The following SUPT16H variants were observed in gnomAD, a reference collection of about 807,000 sequenced individuals.
The protein encoded by SUPT16H is SPT16 homolog, facilitates chromatin remodeling subunit, also known as FACT complex subunit SPT16.
In SUPT16H, 24 loss-of-function variants were observed where a neutral mutation model predicts 136.2. The observed-to-expected ratio is 0.18, with a 90% CI of 0.13 to 0.25. The LOEUF (loss-of-function observed/expected upper bound fraction) is 0.25. SUPT16H is among the 10% of genes least tolerant of loss of function. The pLI, the probability that SUPT16H is intolerant of heterozygous loss-of-function variation, is 1.00. For synonymous variants in SUPT16H, 415 were observed against 428.2 expected (o/e 0.97, Z 0.38); for missense variants, 623 against 1,270.2 (o/e 0.49, Z 7.74).
intron 2 of SUPT16H, chr14:21,372,392 C>T (rs1886805940): frequency 3.2e-6 from 1 of 315,446 alleles, no homozygotes; most frequent in Non-Finnish European, 6.1e-6. Flanking sequence ...TGATACAGAA[C>T]CCTGCGTTAT....
chr14:21,360,717 T>C, intron 17 of SUPT16H, 129 bp downstream of exon 17: 1 of 1,382,142 alleles, frequency 7.2e-7, no homozygotes, highest in Admixed American at 2.2e-5. Flanking sequence ...TCATACTTTA[T>C]TAGCACCATG....
chr14:21,379,418 ACAGT>A (rs753807741), intron 1 of SUPT16H, among the ~76,000 whole-genome samples: 35 of 148,548 alleles, frequency 2.4e-4, no homozygotes, highest in Admixed American at 1.3e-3. Flanking sequence ...CCTGGGTGGC[ACAGT>A]CAGACTGTCT....
intron 10 of SUPT16H, 64 bp from the exon 11 acceptor site, chr14:21,363,567 T>C: frequency 7.0e-7 from 1 of 1,429,376 alleles, no homozygotes; most frequent in Non-Finnish European, 9.8e-7. Flanking sequence ...TCTAACCTAG[T>C]AAACGGCTGG....
At chr14:21,355,585 C>T (rs1886416550) in intron 22 of SUPT16H, among the ~76,000 whole-genome samples, 1 of 149,974 alleles carries the variant, frequency 6.7e-6, no homozygotes, top group Non-Finnish European at 1.5e-5. Flanking sequence ...CTTCTTCAAC[C>T]TTTCACTGCT....
intron 22 of SUPT16H, among the ~76,000 whole-genome samples, chr14:21,356,064 A>C (rs1484279996): frequency 1.3e-5 from 2 of 152,224 alleles, no homozygotes; most frequent in South Asian, 4.1e-4. Flanking sequence ...CCTGCTATGC[A>C]GGGAGGGAGA....
intron 21 of SUPT16H, among the ~76,000 whole-genome samples, chr14:21,357,625 G>A (rs1431418076): frequency 6.6e-6 from 1 of 151,694 alleles, no homozygotes; most frequent in Non-Finnish European, 1.5e-5. Flanking sequence ...TATTTAAAAA[G>A]ACATTATCTT....
intron 1 of SUPT16H, among the ~76,000 whole-genome samples, chr14:21,381,473 C>T (rs1168570437): frequency 2.6e-5 from 4 of 152,040 alleles, no homozygotes; most frequent in Non-Finnish European, 5.9e-5. Context: ...TCAACCACTA[C>T]AGCTTTTAAG....
At position 21,372,049 on chromosome 14, in the gene SUPT16H, G is replaced by A; in HGVS notation, c.160-5C>T. On this transcript the variant is annotated splice_polypyrimidine_tract_variant and splice_region_variant and intron_variant, in intron 2 of 25. Transcript: ENST00000216297. ...TTCATAACCAAAGAGCCATGTCTAT[G>A]GAAAAAGACAACAGTGACAACGGTA... 3 of 1,605,318 alleles carry A rather than the reference G, an allele frequency of 1.9e-6. No homozygotes were observed. The highest frequency in any genetic ancestry group is 1.1e-5 in the South Asian group (1 of 90,080).
intron 1 of SUPT16H, among the ~76,000 whole-genome samples, chr14:21,375,532 C>CT (rs780518796): frequency 1.3e-5 from 2 of 152,070 alleles, no homozygotes; most frequent in Non-Finnish European, 2.9e-5. Context: ...TTTATTTTCA[C>CT]TTTCTTGATA....
chr14:21,383,701 C>A, intron 1 of SUPT16H, 161 bp downstream of exon 1: 1 of 779,866 alleles, frequency 1.3e-6, no homozygotes, highest in South Asian at 1.5e-5. Context: ...TAAGGGGCAG[C>A]GTTCGTGGCC....
At chr14:21,382,784 T>C (rs1321751238) in intron 1 of SUPT16H, among the ~76,000 whole-genome samples, 1 of 152,242 alleles carries the variant, frequency 6.6e-6, no homozygotes, top group African/African-American at 2.4e-5. Context: ...TTCCTTTTCA[T>C]AAAATGCAAG....
In SUPT16H at chr14:21,360,910, A is replaced by T. The variant is rs928978769; in HGVS notation, c.1992T>A (p.Asp664Glu). The change falls in exon 17 of 26, where the codon GAT (aspartate) becomes GAA (glutamate). Residue 664 changes from aspartate to glutamate, a missense_variant. Asp to Glu is a conservative substitution (Grantham distance 45). This residue lies in a region of SUPT16H where 62 missense variants were observed against 200.5 expected (regional missense o/e 0.31). Coordinates refer to ENST00000216297, the MANE Select transcript of SUPT16H (RefSeq NM_007192.4). ...GGGCAATATTTGGGCGAATGTATAG[A>T]TCTTTCAGTTTCGGATTACTCCGGT... is the stretch of plus-strand genomic sequence containing the variant. The part of the protein sequence containing the change: ...NLNRSNPKLK[D>E]LYIRPNIAQK... The T allele has an allele frequency of 6.2e-7, 1 of 1,614,104 alleles. No homozygotes were observed. The highest frequency in any genetic ancestry group is 1.1e-5 in the South Asian group (1 of 91,084).
At chr14:21,373,452 C>T (rs368044876) in intron 1 of SUPT16H, 22 bp from the exon 2 acceptor site, 1 of 1,570,860 alleles carries the variant, frequency 6.4e-7, no homozygotes, top group African/African-American at 1.4e-5. Context: ...GGGTAATCAT[C>T]ACTTAATTTT....
Position 21,363,276 on chromosome 14 carries a change from A to C in SUPT16H, c.1352T>G (p.Leu451Trp). 2 of 1,613,820 alleles carry C rather than the reference A, an allele frequency of 1.2e-6. No individual in the cohort carries two copies. Among genetic ancestry groups the C allele is most frequent in the Non-Finnish European group, 1.7e-6 (2 of 1,179,838 alleles). ...EEEKDEAEDL[L>W]GRGSRAALLT... ...TAATGCTGCCCGAGAACCTCTTCCC[A>C]AAAGGTCCTCTGCCTCATCTTTCTC... The change falls in exon 12 of 26, where the codon TTG (leucine) becomes TGG (tryptophan). Residue 451 changes from leucine to tryptophan, a missense_variant. Leu to Trp is a moderately conservative substitution (Grantham distance 61). Transcript: ENST00000216297.
At chr14:21,377,887 A>G (rs888076019) in intron 1 of SUPT16H, among the ~76,000 whole-genome samples, 7 of 152,108 alleles carry the variant, frequency 4.6e-5, no homozygotes, top group African/African-American at 1.7e-4. Flanking sequence ...GCCTCCCAAA[A>G]TGCTGATATT....
chr14:21,362,204 T>C lies in SUPT16H; in HGVS notation c.1786A>G (p.Lys596Glu). The C allele has an allele frequency of 6.2e-7, 1 of 1,611,612 alleles. No homozygotes were observed. Among genetic ancestry groups the C allele is most frequent in the Non-Finnish European group, 8.5e-7 (1 of 1,179,738 alleles). The change falls in exon 15 of 26, where the codon AAG becomes GAG. Residue 596 changes from lysine (K) to glutamate (E), a missense_variant. Around this residue, in one of 7 missense-constraint regions of SUPT16H, gnomAD observed 62 missense variants for 200.5 expected, o/e 0.31. Coordinates refer to ENST00000216297, the MANE Select transcript of SUPT16H (RefSeq NM_007192.4). ...CTTTTCTTGGGGACTCACATTTCCT[T>C]GACAAAAGTCGCTTCAGGGTTAGGA... is the stretch of plus-strand genomic sequence containing the variant. ...IFPNPEATFV[K>E]EITYRASNIK...
intron 25 of SUPT16H, 39 bp downstream of exon 25, chr14:21,353,449 C>T (rs1424492951): frequency 1.3e-6 from 2 of 1,573,336 alleles, no homozygotes; most frequent in Non-Finnish European, 1.7e-6. Flanking sequence ...GAAATTTGTG[C>T]GTAGACAAAT....
intron 7 of SUPT16H, 65 bp downstream of exon 7, chr14:21,368,198 TGACCCA>T (rs1425077783): frequency 1.3e-6 from 2 of 1,509,534 alleles, no homozygotes; most frequent in African/African-American, 1.4e-5. Context: ...ATTACAGGTG[TGACCCA>T]CAGCTCCCGG....
chr14:21,367,140 C>T (rs913397808), intron 7 of SUPT16H, among the ~76,000 whole-genome samples: 1 of 152,136 alleles, frequency 6.6e-6, no homozygotes, highest in African/African-American at 2.4e-5. Context: ...GGGGTTTCGC[C>T]GTGTTAGCCA....
Sources: gnomAD v4.1 joint callset for allele counts (sites outside exome capture counted in the v4.1 genomes callset) on GRCh38, gnomAD v4.1.1 for gene constraint, gnomAD v4.1.1 regional missense constraint, MANE v1.5 for transcripts, NCBI Gene and HGNC (gene_info 2026-07-23, HGNC 2026-07-21) for gene names.